Variants in JMJD1C observed in about 807,000 individuals in gnomAD.
JMJD1C encodes jumonji domain-containing protein 1C.
Under a neutral mutation model 245.3 loss-of-function variants are expected in JMJD1C, and 31 were observed. That is an observed-to-expected ratio of 0.13 (90% CI 0.09 to 0.17). The LOEUF is 0.17. Ranked by LOEUF, JMJD1C falls within the 10% of genes least tolerant of loss-of-function variation. JMJD1C has a pLI of 1.00. For missense variants in JMJD1C, 2,691 were observed against 3,000.2 expected (o/e 0.90, Z 2.41); for synonymous variants, 1,057 against 1,017.4 (o/e 1.04, Z -0.74).
At chr10:63,233,387 G>A in intron 3 of JMJD1C, among the ~76,000 whole-genome samples, 1 of 151,820 alleles carries the variant, frequency 6.6e-6, no homozygotes. Context: ...CATTAGCACT[G>A]ATAAAATTAG....
chr10:63,282,630 T>C (rs1243956782), intron 2 of JMJD1C, among the ~76,000 whole-genome samples: 1 of 152,232 alleles, frequency 6.6e-6, no homozygotes, highest in Non-Finnish European at 1.5e-5. Context: ...TTTTAAAATG[T>C]ACAGGGAAAA....
chr10:63,329,611 T>C (rs568471627), intron 2 of JMJD1C, among the ~76,000 whole-genome samples: 7 of 151,728 alleles, frequency 4.6e-5, no homozygotes, highest in African/African-American at 1.2e-4. Context: ...CAAATCCACA[T>C]ATGTATATAC....
chr10:63,275,006 G>A (rs1411749008), intron 2 of JMJD1C, among the ~76,000 whole-genome samples: 1 of 151,888 alleles, frequency 6.6e-6, no homozygotes, highest in African/African-American at 2.4e-5. Flanking sequence ...GACCAGCCTG[G>A]GCAACATTGC....
chr10:63,421,709 T>C (rs1334330119), intron 1 of JMJD1C, among the ~76,000 whole-genome samples: 2 of 152,186 alleles, frequency 1.3e-5, no homozygotes, highest in Non-Finnish European at 2.9e-5. Flanking sequence ...GGTGAGACCC[T>C]GAAGTGAAAT....
intron 1 of JMJD1C, among the ~76,000 whole-genome samples, chr10:63,513,796 C>T (rs1171151477): frequency 1.3e-5 from 2 of 152,064 alleles, no homozygotes; most frequent in Admixed American, 6.5e-5. Context: ...GCCTGTAGTC[C>T]CAGCTTCTCC....
chr10:63,292,161 T>TTTTTTTTTTTTTTTTTTTTC (rs1564743472), intron 2 of JMJD1C, among the ~76,000 whole-genome samples: 2 of 147,008 alleles, frequency 1.4e-5, no homozygotes, highest in Admixed American at 6.8e-5. Context: ...TTTTTTTTTT[T>TTTTTTTTTTTTTTTTTTTTC]TTGCCTAGGC....
chr10:63,469,367 T>C (rs1255478019), upstream of JMJD1C, among the ~76,000 whole-genome samples: 1 of 152,186 alleles, frequency 6.6e-6, no homozygotes, highest in Non-Finnish European at 1.5e-5. Context: ...TGCCTAAGAA[T>C]ACACATTAAG....
chr10:63,506,826 T>C (rs919330532), intron 1 of JMJD1C, among the ~76,000 whole-genome samples: 5 of 152,344 alleles, frequency 3.3e-5, no homozygotes, highest in African/African-American at 9.6e-5. Context: ...TGTTGTGCAT[T>C]CTACCATCTT....
chr10:63,499,625 A>G (rs756537739), intron 1 of JMJD1C, among the ~76,000 whole-genome samples: 4 of 152,202 alleles, frequency 2.6e-5, no homozygotes, highest in Non-Finnish European at 4.4e-5. Context: ...ACTGAAGGGT[A>G]TCCTTTCAGC....
intron 24 of JMJD1C, 103 bp from the exon 25 acceptor site, chr10:63,168,669 G>A: frequency 9.7e-7 from 1 of 1,028,290 alleles, no homozygotes; most frequent in Non-Finnish European, 1.3e-6. Flanking sequence ...TTCTGCTGGA[G>A]AATTTACTTT....
At chr10:63,195,703 G>T (rs1845379750) in intron 13 of JMJD1C, among the ~76,000 whole-genome samples, 1 of 152,154 alleles carries the variant, frequency 6.6e-6, no homozygotes, top group South Asian at 2.1e-4. Flanking sequence ...CACTTTGGGA[G>T]GCTGAGGTGG....
intron 1 of JMJD1C, among the ~76,000 whole-genome samples, chr10:63,482,820 TA>T (rs1413377901): frequency 6.6e-6 from 1 of 152,138 alleles, no homozygotes; most frequent in Non-Finnish European, 1.5e-5. Context: ...GGGGATCACA[TA>T]ATGAACACAT....
intron 3 of JMJD1C, among the ~76,000 whole-genome samples, chr10:63,234,330 C>T (rs112325786): frequency 6.6e-6 from 1 of 151,052 alleles, no homozygotes; most frequent in African/African-American, 2.4e-5. Flanking sequence ...CCTGTTTCTA[C>T]AAGAAATACA....
chr10:63,330,275 T>C (rs1942006298), intron 2 of JMJD1C, among the ~76,000 whole-genome samples: 1 of 152,184 alleles, frequency 6.6e-6, no homozygotes, highest in Non-Finnish European at 1.5e-5. Flanking sequence ...GCATTTTCAA[T>C]TTAGAATATT....
At chr10:63,471,703 TC>T (rs1372023156) in intron 1 of JMJD1C, among the ~76,000 whole-genome samples, 1 of 152,186 alleles carries the variant, frequency 6.6e-6, no homozygotes, top group Non-Finnish European at 1.5e-5. Flanking sequence ...TAAAACTGCT[TC>T]TTTCCTCTGC....
intron 2 of JMJD1C, among the ~76,000 whole-genome samples, chr10:63,292,144 ATTT>A (rs573065816): frequency 1.4e-4 from 8 of 56,346 alleles, no homozygotes; most frequent in South Asian, 1.6e-3. Context: ...GTAGAGACAG[ATTT>A]TTTTTTTTTT....
chr10:63,168,126 AT>A lies in JMJD1C; in HGVS notation c.7541del (p.Asn2514IlefsTer11). On this transcript the variant is annotated frameshift_variant, in exon 26 of 26. Coordinates refer to ENST00000399262, the MANE Select transcript of JMJD1C (RefSeq NM_032776.3). LOFTEE classifies it high-confidence loss of function. ...INYDDKLQVK[N>X]ILYHAVKEMV... is the part of the protein sequence containing the mutation. ...TTTCTTTGACTGCATGATACAAAAT[AT>A]TTTTAACCTGAAAGAGATGTTGATA... 6.3e-7 allele frequency: 1 copy of A among 1,597,188 alleles called. No individual in the cohort carries two copies. Among genetic ancestry groups the A allele is most frequent in the Non-Finnish European group, 8.6e-7 (1 of 1,165,920 alleles).
intron 1 of JMJD1C, chr10:63,382,666 G>C: frequency 2.7e-6 from 1 of 376,088 alleles, no homozygotes; most frequent in Non-Finnish European, 5.3e-6. Context: ...GAAAACTGAA[G>C]CTGACTCTAT....
chr10:63,302,459 T>A (rs1046355426), intron 2 of JMJD1C, among the ~76,000 whole-genome samples: 1 of 152,192 alleles, frequency 6.6e-6, no homozygotes, highest in African/African-American at 2.4e-5. Flanking sequence ...AATCTGATAT[T>A]TGAAAAACAG....
Sources: allele counts gnomAD v4.1 joint callset (sites outside exome capture counted in the v4.1 genomes callset), GRCh38; gene constraint gnomAD v4.1.1; transcripts MANE v1.5; gene names NCBI Gene and HGNC (gene_info 2026-07-23, HGNC 2026-07-21).